TRDMT1: variants seen among roughly 807,000 people sequenced by gnomAD.
The protein encoded by TRDMT1 is tRNA (cytosine(38)-C(5))-methyltransferase.
Under a neutral mutation model 51.2 loss-of-function variants are expected in TRDMT1, and 49 were observed. The ratio of observed to expected loss-of-function variants is 0.96; its 90% CI spans 0.76 to 1.21. The LOEUF is 1.21. TRDMT1 is among the 50% of genes most tolerant of loss of function. The pLI, the probability that TRDMT1 is intolerant of heterozygous loss-of-function variation, is 0.00. For missense variants in TRDMT1, 534 were observed against 462.3 expected, an observed-to-expected ratio of 1.16 and a Z score of -1.42; for synonymous variants, 187 against 164.6, an observed-to-expected ratio of 1.14 and a Z score of -1.04.
chr10:17,163,886 A>C (rs1840779385), intron 3 of TRDMT1, among the ~76,000 whole-genome samples: 1 of 152,188 alleles, frequency 6.6e-6, no homozygotes. Flanking sequence ...TAGCTTACCA[A>C]CCAAAAAAAA....
chr10:17,187,377 T>G (rs1844079995), intron 1 of TRDMT1, among the ~76,000 whole-genome samples: 1 of 152,194 alleles, frequency 6.6e-6, no homozygotes, highest in African/African-American at 2.4e-5. Flanking sequence ...ATTGGCATAT[T>G]TATGGTCACA....
chr10:17,167,881 G>A lies in TRDMT1; in HGVS notation c.251+960C>T, dbSNP rs1352534124. Among the ~76,000 whole-genome samples, 4 of 152,094 alleles carry A rather than the reference G, an allele frequency of 2.6e-5. No homozygotes were observed. In the East Asian group the frequency reaches 5.8e-4, roughly 22 times the overall value. On this transcript the variant is annotated intron_variant, in intron 3 of 10. Transcript: ENST00000377799. ...AAATGAATTAAGGTACTTTGGGCTG[G>A]AAATAAACATTGTGTCTTAGGTAAG...
At chr10:17,168,219 C>A (rs1841477171) in intron 3 of TRDMT1, among the ~76,000 whole-genome samples, 1 of 152,072 alleles carries the variant, frequency 6.6e-6, no homozygotes, top group Admixed American at 6.5e-5. Flanking sequence ...AGGAGGATTG[C>A]TTGAACCTGG....
In TRDMT1 at chr10:17,146,880, T is replaced by C. The variant is rs1276466637; in HGVS notation, c.*2160A>G. 1 of 983,712 alleles carries C rather than the reference T, an allele frequency of 1.0e-6. No homozygotes were observed. The highest frequency in any genetic ancestry group is 1.2e-6 in the Non-Finnish European group (1 of 829,220). 60.9% of individuals were successfully genotyped at this position (983,712 alleles called of 1,614,324 possible). On this transcript the variant is annotated 3_prime_UTR_variant, in exon 11 of 11. Transcript: ENST00000377799. ...TAATTGAATGACACTGGTAGATACA[T>C]CTTCATTAAGATGTGAGTTTTATGC...
Position 17,151,022 on chromosome 10 carries a change from C to T in TRDMT1, c.1076-1882G>A, listed in dbSNP as rs138262281. 2.9e-5 allele frequency: 27 copies of T among 947,014 alleles called. 1 individual carries two copies. The South Asian group carries it at 2.9e-4, about 10-fold the overall frequency. 58.7% of individuals were successfully genotyped at this position (947,014 alleles called of 1,614,324 possible). ...GTGTGTGTGCATGTGTGTGTGTGTG[C>T]GTGCATCTGTGCATATTTCTTTAAA... On this transcript the variant is annotated intron_variant, in intron 10 of 10. Coordinates refer to ENST00000377799, the MANE Select transcript of TRDMT1 (RefSeq NM_004412.7).
chr10:17,177,137 TA>T lies in TRDMT1; in HGVS notation c.65-2478del, dbSNP rs542568980. On this transcript the variant is annotated intron_variant, in intron 1 of 10. Transcript: ENST00000377799. ...ATATTTATTAACAGGAAGCCTGGTT[TA>T]AAAAAAAAAGGTGAGATATCCTACT... is the stretch of plus-strand genomic sequence containing the variant. Among the ~76,000 whole-genome samples the T allele has an allele frequency of 1.2e-3, 183 of 147,522 alleles. No individual in the cohort carries two copies. The East Asian group carries it at 0.013, about 10-fold the overall frequency.
chr10:17,164,891 C>T (rs867644930), intron 3 of TRDMT1, among the ~76,000 whole-genome samples: 13 of 152,284 alleles, frequency 8.5e-5, no homozygotes, highest in African/African-American at 2.2e-4. Flanking sequence ...AATGGAAGAA[C>T]ATTCCATGCT....
At chr10:17,174,052 C>G (rs769785119) in intron 2 of TRDMT1, among the ~76,000 whole-genome samples, 1 of 152,086 alleles carries the variant, frequency 6.6e-6, no homozygotes, top group Non-Finnish European at 1.5e-5. Context: ...CGTCAGCCAC[C>G]GCGCCCAGCC....
rs571873696 is a variant in TRDMT1, at chr10:17,137,833, A to T, written c.*11207T>A. ...TGACAGAGCGAAACTCTGCCAAAAA[A>T]AAAAGAAAAAAAAAAAAAGGTTGTT... On this transcript the variant is annotated 3_prime_UTR_variant, in exon 11 of 11. Coordinates refer to ENST00000377799, the MANE Select transcript of TRDMT1 (RefSeq NM_004412.7). Among the ~76,000 whole-genome samples the T allele has an allele frequency of 6.7e-6, 1 of 149,336 alleles. No individual in the cohort carries two copies. Among genetic ancestry groups the T allele is most frequent in the Non-Finnish European group, 1.5e-5 (1 of 68,016 alleles).
intron 1 of TRDMT1, among the ~76,000 whole-genome samples, chr10:17,198,257 G>GT (rs1436002121): frequency 6.6e-6 from 1 of 152,154 alleles, no homozygotes; most frequent in Non-Finnish European, 1.5e-5. Flanking sequence ...TTCCTCAAGA[G>GT]TTACACAGTA....
chr10:17,177,713 AAC>A lies in TRDMT1; in HGVS notation c.65-3055_65-3054del, dbSNP rs372220525. The stretch of plus-strand genomic sequence containing the variant: ...ATGCTTCTTACAAAAATAGACAAGA[AAC>A]ACACACACACACACACACACACACA... On this transcript the variant is annotated intron_variant, in intron 1 of 10. Coordinates refer to ENST00000377799, the MANE Select transcript of TRDMT1 (RefSeq NM_004412.7). 2.6e-3 allele frequency among the ~76,000 whole-genome samples: 380 copies of A among 147,112 alleles called. 3 individuals carry two copies. The highest frequency in any genetic ancestry group is 8.7e-3 in the East Asian group (43 of 4,952).
At chr10:17,158,577 C>G (rs1199928504) in intron 7 of TRDMT1, among the ~76,000 whole-genome samples, 1 of 152,090 alleles carries the variant, frequency 6.6e-6, no homozygotes, top group Non-Finnish European at 1.5e-5. Flanking sequence ...AATGCTGAAA[C>G]TCAGTTATCC....
At chr10:17,187,384 C>G (rs1224019505) in intron 1 of TRDMT1, among the ~76,000 whole-genome samples, 1 of 152,030 alleles carries the variant, frequency 6.6e-6, no homozygotes, top group African/African-American at 2.4e-5. Flanking sequence ...TATTTATGGT[C>G]ACAGAGACGT....
At chr10:17,189,472 G>T (rs376857298) in intron 1 of TRDMT1, among the ~76,000 whole-genome samples, 3 of 152,094 alleles carry the variant, frequency 2.0e-5, no homozygotes, top group Non-Finnish European at 4.4e-5. Context: ...TTAATGAAAA[G>T]AAATCTCACT....
In TRDMT1 at chr10:17,137,838, G is replaced by GA. The variant is rs11459461; in HGVS notation, c.*11201dup. Among the ~76,000 whole-genome samples the GA allele has an allele frequency of 0.076, 9,828 of 129,956 alleles. 1,038 individuals are homozygous for GA. Among genetic ancestry groups the GA allele is most frequent in the African/African-American group, 0.25 (9,153 of 36,466 alleles). The allele number at this position is 129,956 out of a possible 152,430, so 85.3% of individuals were successfully genotyped here. ...GAGCGAAACTCTGCCAAAAAAAAAA[G>GA]AAAAAAAAAAAAAGGTTGTTCCACT... On this transcript the variant is annotated 3_prime_UTR_variant, in exon 11 of 11. Transcript: ENST00000377799.
At chr10:17,156,226 TG>T (rs1839479328) in intron 8 of TRDMT1, among the ~76,000 whole-genome samples, 1 of 151,820 alleles carries the variant, frequency 6.6e-6, no homozygotes, top group African/African-American at 2.4e-5. Flanking sequence ...CAGAGATCCT[TG>T]GCAAAATTTT....
At chr10:17,198,030 A>G (rs1206470690) in intron 1 of TRDMT1, among the ~76,000 whole-genome samples, 2 of 138,834 alleles carry the variant, frequency 1.4e-5, no homozygotes, top group South Asian at 2.3e-4. Flanking sequence ...GCGAAACTCC[A>G]TCTCAAAAAA....
At chr10:17,186,086 AATAT>A (rs997622691) in intron 1 of TRDMT1, among the ~76,000 whole-genome samples, 32 of 146,636 alleles carry the variant, frequency 2.2e-4, no homozygotes, top group African/African-American at 8.2e-4. Flanking sequence ...TAAATAAATA[AATAT>A]GGTCAATGCA....
At position 17,175,294 on chromosome 10, in the gene TRDMT1, A is replaced by C. The variant is rs79328984; in HGVS notation, c.65-634T>G. Reference sequence around the variant, plus strand: ...ACCAGAAGAGAATATAAGAAGAATAAGGGAAATAATTATAAAGGAATGCCT... The same window carrying C: ...ACCAGAAGAGAATATAAGAAGAATACGGGAAATAATTATAAAGGAATGCCT... On this transcript the variant is annotated intron_variant, in intron 1 of 10. Transcript: ENST00000377799. Among the ~76,000 whole-genome samples the C allele has an allele frequency of 2.5e-3, 383 of 152,340 alleles. 2 individuals carry two copies. The highest frequency in any genetic ancestry group is 8.9e-3 in the African/African-American group (369 of 41,568).
Sources: gnomAD v4.1 joint callset for allele counts (sites outside exome capture counted in the v4.1 genomes callset) on GRCh38, gnomAD v4.1.1 for gene constraint, MANE v1.5 for transcripts, NCBI Gene and HGNC (gene_info 2026-07-23, HGNC 2026-07-21) for gene names.